The following ACVR1 variants were observed in gnomAD, a reference collection of about 807,000 sequenced individuals.
ACVR1 encodes the protein activin A receptor type 1, also known as activin receptor type-1.
ACVR1 carries 38 observed loss-of-function variants against 57.1 expected under a neutral mutation model. That is an observed-to-expected ratio of 0.67 (90% CI 0.51 to 0.87). The LOEUF is 0.87. Among genes scored for constraint, ACVR1 ranks in the 40% least tolerant of loss-of-function variants. The pLI is 0.00. For synonymous variants in ACVR1, 212 were observed against 228.1 expected, an observed-to-expected ratio of 0.93 and a Z score of 0.63; for missense variants, 463 against 638.2, an observed-to-expected ratio of 0.73 and a Z score of 2.96.
At chr2:157,862,066 T>C (rs2105377830) in intron 1 of ACVR1, among the ~76,000 whole-genome samples, 1 of 152,316 alleles carries the variant, frequency 6.6e-6, no homozygotes, top group East Asian at 1.9e-4. Context: ...ATTTTGAATA[T>C]TTACTTTATC....
chr2:157,806,613 CA>C (rs1247493206), intron 2 of ACVR1: 1 of 152,168 alleles, frequency 6.6e-6, no homozygotes, highest in Non-Finnish European at 1.5e-5. Flanking sequence ...CTTCTATGCT[CA>C]AAAGGCAATG....
intron 6 of ACVR1, 60 bp from the exon 7 acceptor site, chr2:157,770,574 A>G: frequency 4.5e-6 from 7 of 1,561,172 alleles, no homozygotes; most frequent in East Asian, 2.2e-5. Context: ...CAGCCAGCCC[A>G]TCATTAAGAA....
intron 9 of ACVR1, among the ~76,000 whole-genome samples, chr2:157,756,713 G>A (rs550309685): frequency 6.6e-5 from 10 of 151,984 alleles, no homozygotes; most frequent in African/African-American, 1.2e-4. Context: ...TAGTGGGAAC[G>A]TAAACTAGTA....
intron 3 of ACVR1, among the ~76,000 whole-genome samples, chr2:157,789,355 C>T (rs893082596): frequency 2.0e-5 from 3 of 152,214 alleles, no homozygotes; most frequent in Non-Finnish European, 4.4e-5. Flanking sequence ...AGAAAGCCAG[C>T]TAAATCTGAG....
At chr2:157,771,585 TAATA>T (rs1398199273) in intron 6 of ACVR1, among the ~76,000 whole-genome samples, 1 of 152,196 alleles carries the variant, frequency 6.6e-6, no homozygotes, top group Admixed American at 6.5e-5. Context: ...ACACAGCTTC[TAATA>T]AGCAGCTGCA....
chr2:157,835,122 G>T (rs977386169), intron 1 of ACVR1, among the ~76,000 whole-genome samples: 4 of 151,992 alleles, frequency 2.6e-5, no homozygotes, highest in African/African-American at 9.7e-5. Context: ...TTTAGTAAGG[G>T]TCCTGATGTT....
chr2:157,855,273 T>A (rs1320749865), intron 1 of ACVR1, among the ~76,000 whole-genome samples: 264 of 31,092 alleles, frequency 8.5e-3, no homozygotes, highest in African/African-American at 0.034. Context: ...AAAAAAAGTG[T>A]GTGTGTGTGT....
chr2:157,814,565 T>C (rs894079781), intron 2 of ACVR1, among the ~76,000 whole-genome samples: 2 of 152,200 alleles, frequency 1.3e-5, no homozygotes, highest in Admixed American at 1.3e-4. Flanking sequence ...ACAGAGCAAC[T>C]TGGCAATAAA....
intron 3 of ACVR1, among the ~76,000 whole-genome samples, chr2:157,794,513 G>A (rs1353548612): frequency 2.0e-5 from 3 of 151,616 alleles, no homozygotes; most frequent in Non-Finnish European, 4.4e-5. Flanking sequence ...AGCTAATTTA[G>A]GGCAAAAAAA....
At position 157,736,653 on chromosome 2, in the gene ACVR1, G is replaced by A. The variant is rs188849936; in HGVS notation, c.*878C>T. The stretch of plus-strand genomic sequence containing the variant: ...TCAGTAATATATTCGGTGGTGTCAC[G>A]TGGGTAATGGCTAAATACGTTCTGC... On this transcript the variant is annotated 3_prime_UTR_variant, in exon 11 of 11. Transcript: ENST00000434821. 52 of 316,638 alleles carry A rather than the reference G, an allele frequency of 1.6e-4. No homozygotes were observed. The highest frequency in any genetic ancestry group is 9.3e-4 in the African/African-American group (44 of 47,212). 19.6% of individuals were successfully genotyped at this position (316,638 alleles called of 1,614,324 possible).
intron 1 of ACVR1, among the ~76,000 whole-genome samples, chr2:157,846,864 G>A (rs1322673682): frequency 6.6e-6 from 1 of 152,172 alleles, no homozygotes; most frequent in African/African-American, 2.4e-5. Flanking sequence ...CAGGAGAGTA[G>A]GTATAAAGTC....
At chr2:157,846,715 AG>A (rs1040305648) in intron 1 of ACVR1, among the ~76,000 whole-genome samples, 1 of 152,234 alleles carries the variant, frequency 6.6e-6, no homozygotes, top group African/African-American at 2.4e-5. Context: ...TGATACTTAT[AG>A]GGATAAATAC....
chr2:157,740,836 C>T (rs1274530531), intron 9 of ACVR1, among the ~76,000 whole-genome samples: 1 of 152,162 alleles, frequency 6.6e-6, no homozygotes, highest in African/African-American at 2.4e-5. Flanking sequence ...TAAAAGGAGT[C>T]AAGTATTTTT....
In ACVR1 at chr2:157,822,022, T is replaced by C. The variant is rs540117209; in HGVS notation, c.-182-3463A>G. Among the ~76,000 whole-genome samples the C allele has an allele frequency of 9.2e-5, 14 of 152,296 alleles. No individual in the cohort carries two copies. The South Asian group carries it at 2.9e-3, about 32-fold the overall frequency. ...TTTCTCAGCTCTTTAGTTACAATCA[T>C]ATCCTTGGCTTCTAGAAACTGTGGC... On this transcript the variant is annotated intron_variant, in intron 1 of 10. Transcript: ENST00000434821.
intron 1 of ACVR1, among the ~76,000 whole-genome samples, chr2:157,853,007 T>C (rs1689376120): frequency 6.6e-6 from 1 of 152,204 alleles, no homozygotes; most frequent in Admixed American, 6.5e-5. Flanking sequence ...TTATTGTAGC[T>C]AGTAATATCC....
chr2:157,753,802 T>C (rs1014237363), intron 9 of ACVR1, among the ~76,000 whole-genome samples: 7 of 152,172 alleles, frequency 4.6e-5, no homozygotes, highest in African/African-American at 1.7e-4. Flanking sequence ...AACCACAGAA[T>C]ATACATTCTA....
intron 1 of ACVR1, among the ~76,000 whole-genome samples, chr2:157,831,722 C>T (rs926006141): frequency 6.6e-6 from 1 of 152,166 alleles, no homozygotes; most frequent in African/African-American, 2.4e-5. Flanking sequence ...GGTTTCTACC[C>T]TCACTCAGTT....
At position 157,761,202 on chromosome 2, in the gene ACVR1, A is replaced by T. The variant is rs1193764535; in HGVS notation, c.1067-125T>A. 18 of 830,470 alleles carry T rather than the reference A, an allele frequency of 2.2e-5. No homozygotes were observed. The Admixed American group carries it at 3.4e-4, about 15-fold the overall frequency. The allele number at this position is 830,470 out of a possible 1,614,324, so 51.4% of individuals were successfully genotyped here. ...GGATCCAGGGTCACTGTTGCAATAC[A>T]CTCAGAATGATCCCTAGAATGCCCT... On this transcript the variant is annotated intron_variant, in intron 8 of 10. Coordinates refer to ENST00000434821, the MANE Select transcript of ACVR1 (RefSeq NM_001111067.4).
At chr2:157,845,036 G>A (rs1338899134) in intron 1 of ACVR1, among the ~76,000 whole-genome samples, 5 of 152,202 alleles carry the variant, frequency 3.3e-5, no homozygotes, top group Admixed American at 3.3e-4. Context: ...AGTTACAGCA[G>A]TACAAATGGA....
Sources: gnomAD v4.1 joint callset for allele counts (sites outside exome capture counted in the v4.1 genomes callset) on GRCh38, gnomAD v4.1.1 for gene constraint, MANE v1.5 for transcripts, NCBI Gene and HGNC (gene_info 2026-07-23, HGNC 2026-07-21) for gene names.